The following ZMYND11 variants were observed in gnomAD, a reference collection of about 807,000 sequenced individuals.
ZMYND11 encodes zinc finger MYND-type containing 11.
Under a neutral mutation model 84.9 loss-of-function variants are expected in ZMYND11, and 9 were observed. The observed-to-expected ratio is 0.11, with a 90% CI of 0.06 to 0.18. The LOEUF (loss-of-function observed/expected upper bound fraction) is 0.18. Ranked by LOEUF, ZMYND11 falls within the 10% of genes least tolerant of loss-of-function variation. The probability of loss-of-function intolerance (pLI) is 1.00; values close to 1 mark genes in which losing one functional copy is unlikely to be tolerated. For synonymous variants in ZMYND11, 250 were observed against 244.1 expected (o/e 1.02, Z -0.23); for missense variants, 409 against 761.0 (o/e 0.54, Z 5.44).
At chr10:184,019 T>C (rs1027113882) in intron 2 of ZMYND11, among the ~76,000 whole-genome samples, 6 of 152,356 alleles carry the variant, frequency 3.9e-5, no homozygotes, top group Admixed American at 2.0e-4. Context: ...AGTTATGAAA[T>C]GCATATACTT....
At chr10:143,730 T>A (rs1554754483) in intron 1 of ZMYND11, among the ~76,000 whole-genome samples, 1 of 152,228 alleles carries the variant, frequency 6.6e-6, no homozygotes, top group African/African-American at 2.4e-5. Flanking sequence ...GTACCAGAGA[T>A]CTTTTATTTC....
chr10:217,468 A>G (rs1476979769), intron 3 of ZMYND11, among the ~76,000 whole-genome samples: 1 of 151,682 alleles, frequency 6.6e-6, no homozygotes, highest in African/African-American at 2.4e-5. Flanking sequence ...GGTTGCAGTG[A>G]GCCGAGATTT....
At chr10:220,724 T>C (rs937821833) in intron 3 of ZMYND11, among the ~76,000 whole-genome samples, 1 of 152,214 alleles carries the variant, frequency 6.6e-6, no homozygotes, top group African/African-American at 2.4e-5. Context: ...GATGAGAAGA[T>C]AAGAATAGTG....
rs1311327106 is a variant in ZMYND11 at position 246,753 on chromosome 10, G to A, written c.951-13G>A. 3 of 1,613,188 alleles carry A rather than the reference G, an allele frequency of 1.9e-6. No homozygotes were observed. Among genetic ancestry groups the A allele is most frequent in the East Asian group, 4.5e-5 (2 of 44,858 alleles). ...GGGATGTTTCTAACTATACCTTTAT[G>A]TGTTTTTCCTAGGGCCTGGATTCCT... is the stretch of plus-strand genomic sequence containing the variant. On this transcript the variant is annotated splice_polypyrimidine_tract_variant and intron_variant, in intron 10 of 14. Transcript: ENST00000381604.
intron 4 of ZMYND11, among the ~76,000 whole-genome samples, chr10:229,453 T>A (rs1180120986): frequency 1.3e-5 from 2 of 152,156 alleles, no homozygotes; most frequent in Non-Finnish European, 2.9e-5. Flanking sequence ...TACTCTCAGT[T>A]TTTTTACCTG....
intron 9 of ZMYND11, 70 bp downstream of exon 9, chr10:241,040 G>A: frequency 7.9e-7 from 1 of 1,262,148 alleles, no homozygotes; most frequent in Non-Finnish European, 1.1e-6. Context: ...TTTGGTTAAA[G>A]ATTATAATTT....
At chr10:234,656 C>T (rs1480967687) in intron 4 of ZMYND11, among the ~76,000 whole-genome samples, 1 of 152,160 alleles carries the variant, frequency 6.6e-6, no homozygotes, top group Non-Finnish European at 1.5e-5. Context: ...TTTGAGTTGG[C>T]ATGAGAGAAG....
chr10:170,756 G>C (rs1333699918), intron 1 of ZMYND11, among the ~76,000 whole-genome samples: 1 of 152,020 alleles, frequency 6.6e-6, no homozygotes, highest in African/African-American at 2.4e-5. Flanking sequence ...ACCACAAAAG[G>C]TAGAAAAAGT....
chr10:172,619 A>C (rs1344035414), intron 1 of ZMYND11, among the ~76,000 whole-genome samples: 1 of 152,186 alleles, frequency 6.6e-6, no homozygotes, highest in Non-Finnish European at 1.5e-5. Context: ...AAATGATGAG[A>C]TATTCCATGT....
intron 1 of ZMYND11, among the ~76,000 whole-genome samples, chr10:171,730 T>G (rs1254969519): frequency 6.6e-6 from 1 of 152,184 alleles, no homozygotes; most frequent in East Asian, 1.9e-4. Flanking sequence ...GGAGCTTCCT[T>G]GACTTGTTAA....
intron 4 of ZMYND11, among the ~76,000 whole-genome samples, chr10:235,645 G>A (rs896621785): frequency 6.6e-6 from 1 of 152,152 alleles, no homozygotes; most frequent in Non-Finnish European, 1.5e-5. Context: ...TCTCTGATGC[G>A]AGGCCAGGGT....
intron 1 of ZMYND11, among the ~76,000 whole-genome samples, chr10:178,354 C>T (rs1554767346): frequency 2.0e-5 from 3 of 152,118 alleles, no homozygotes; most frequent in Non-Finnish European, 4.4e-5. Context: ...ATGAGTGAAA[C>T]TTTGTTCATT....
chr10:224,691 C>T (rs1318172119), intron 4 of ZMYND11, among the ~76,000 whole-genome samples: 1 of 152,130 alleles, frequency 6.6e-6, no homozygotes, highest in Non-Finnish European at 1.5e-5. Flanking sequence ...ACATTAATTA[C>T]TGGATGTGGC....
In ZMYND11 at chr10:246,797, AT is replaced by A; in HGVS notation, c.983del (p.Ile328ThrfsTer10). On this transcript the variant is annotated frameshift_variant, in exon 11 of 15. Transcript: ENST00000381604. LOFTEE classifies it high-confidence loss of function. Reference sequence around the variant, plus strand: ...GATTCCTTCTGAAAACATTCAAGATATCACAGTCAACATTCATCGGCTGCAC... The same window carrying A: ...GATTCCTTCTGAAAACATTCAAGATACACAGTCAACATTCATCGGCTGCAC... ...AWIPSENIQD[I>X]TVNIHRLHVK... 6.2e-7 allele frequency: 1 copy of A among 1,614,146 alleles called. No homozygotes were observed. The highest frequency in any genetic ancestry group is 8.5e-7 in the Non-Finnish European group (1 of 1,180,024).
At chr10:196,610 T>A (rs1046991021) in intron 2 of ZMYND11, among the ~76,000 whole-genome samples, 5 of 152,230 alleles carry the variant, frequency 3.3e-5, no homozygotes, top group Non-Finnish European at 7.3e-5. Flanking sequence ...AGAGTTGTGT[T>A]AATATAGATT....
chr10:167,037 A>G (rs1844169683), intron 1 of ZMYND11, among the ~76,000 whole-genome samples: 2 of 152,204 alleles, frequency 1.3e-5, no homozygotes, highest in African/African-American at 4.8e-5. Context: ...ATATCTAGGC[A>G]TATTAATAGA....
At chr10:241,073 CATAGT>C in intron 9 of ZMYND11, 103 bp downstream of exon 9, 1 of 863,652 alleles carries the variant, frequency 1.2e-6, no homozygotes, top group Admixed American at 2.7e-5. Flanking sequence ...TTTAAAATAT[CATAGT>C]ATATATGGGT....
At chr10:198,102 T>C in intron 2 of ZMYND11, 2 of 396,458 alleles carry the variant, frequency 5.0e-6, no homozygotes, top group Non-Finnish European at 9.0e-6. Context: ...TAATTTATAA[T>C]GGCCAAAATT....
rs150492108 is a variant in ZMYND11, at chr10:149,195, C to T, written c.-20+13636C>T. Among the ~76,000 whole-genome samples the T allele has an allele frequency of 1.6e-4, 25 of 152,040 alleles. No individual in the cohort carries two copies. The East Asian group carries it at 4.8e-3, about 29-fold the overall frequency. On this transcript the variant is annotated intron_variant, in intron 1 of 14. Transcript: ENST00000381604. ...CACTCCAGTCTCTGATCTCATTCTC[C>T]TCAGCTCAGTGAGACCACACACTCC... is the stretch of plus-strand genomic sequence containing the variant.
Sources: gnomAD v4.1 joint callset for allele counts (sites outside exome capture counted in the v4.1 genomes callset) on GRCh38, gnomAD v4.1.1 for gene constraint, MANE v1.5 for transcripts, NCBI Gene and HGNC (gene_info 2026-07-23, HGNC 2026-07-21) for gene names.